The following TES variants were observed in gnomAD, a reference collection of about 807,000 sequenced individuals.
TES encodes the protein testin.
Under a neutral mutation model 48.2 loss-of-function variants are expected in TES, and 41 were observed. That is an observed-to-expected ratio of 0.85 (90% CI 0.66 to 1.10). TES has a LOEUF of 1.10. Among genes scored for constraint, TES ranks in the 50% least tolerant of loss-of-function variants. The pLI, the probability that TES is intolerant of heterozygous loss-of-function variation, is 0.00. For synonymous variants in TES, 162 were observed against 174.9 expected, an observed-to-expected ratio of 0.93 and a Z score of 0.58; for missense variants, 463 against 515.1, an observed-to-expected ratio of 0.90 and a Z score of 0.98.
intron 2 of TES, among the ~76,000 whole-genome samples, chr7:116,244,961 T>A (rs1799901024): frequency 6.6e-6 from 1 of 152,102 alleles, no homozygotes; most frequent in Non-Finnish European, 1.5e-5. Flanking sequence ...CCACTGGAGC[T>A]GAAGAAGCTG....
In TES at chr7:116,249,172, G is replaced by A. The variant is rs755575154; in HGVS notation, c.266G>A (p.Arg89His). 2.5e-6 allele frequency: 4 copies of A among 1,614,020 alleles called. No homozygotes were observed. Among genetic ancestry groups the A allele is most frequent in the African/African-American group, 1.3e-5 (1 of 75,028 alleles). The change falls in exon 3 of 7, where the codon CGC becomes CAC. Residue 89 changes from arginine (R) to histidine (H), a missense_variant. Coordinates refer to ENST00000358204, the MANE Select transcript of TES (RefSeq NM_015641.4). ...TCAGATGGAATTCCCATGTATAAAC[G>A]CAATGTTATGATATTGACGAATCCA... ...LKSDGIPMYK[R>H]NVMILTNPVA...
In TES at chr7:116,252,492, AG is replaced by A; in HGVS notation, c.1077+18del. On this transcript the variant is annotated intron_variant, in intron 6 of 6. Transcript: ENST00000358204. ...TCACGCTGTGGTGAGAAGTGTTCTA[AG>A]GATATGGTTGCCTCAGCCTGCTTTA... 6.2e-7 allele frequency: 1 copy of A among 1,614,182 alleles called. No individual in the cohort carries two copies. The highest frequency in any genetic ancestry group is 1.7e-5 in the Admixed American group (1 of 60,034).
At chr7:116,225,901 G>C (rs1218018073) in intron 1 of TES, among the ~76,000 whole-genome samples, 2 of 152,196 alleles carry the variant, frequency 1.3e-5, no homozygotes, top group African/African-American at 4.8e-5. Flanking sequence ...TTATTGGTTA[G>C]GAGCAGTCAC....
intron 1 of TES, among the ~76,000 whole-genome samples, chr7:116,232,554 A>AG (rs1390528652): frequency 3.0e-5 from 4 of 132,798 alleles, no homozygotes; most frequent in African/African-American, 1.2e-4. Flanking sequence ...CCTGAAAAAG[A>AG]AAACTTTTTT....
At chr7:116,243,878 A>T (rs34378416) in intron 2 of TES, 1 of 152,160 alleles carries the variant, frequency 6.6e-6, no homozygotes, top group East Asian at 1.9e-4. Context: ...GGAAACTTAC[A>T]ATTGTGGCAA....
intron 6 of TES, among the ~76,000 whole-genome samples, chr7:116,256,612 T>A (rs1800102464): frequency 6.6e-6 from 1 of 152,234 alleles, no homozygotes; most frequent in Non-Finnish European, 1.5e-5. Flanking sequence ...TGTATGTTTG[T>A]GTATGTATAT....
intron 1 of TES, among the ~76,000 whole-genome samples, chr7:116,227,719 G>A (rs1329328959): frequency 8.6e-5 from 13 of 152,042 alleles, no homozygotes; most frequent in Admixed American, 8.5e-4. Flanking sequence ...GTGTATATAT[G>A]ATAGGTGGAT....
chr7:116,229,033 T>TATATATATA (rs1417517023), intron 1 of TES, among the ~76,000 whole-genome samples: 6 of 115,496 alleles, frequency 5.2e-5, no homozygotes, highest in South Asian at 2.7e-4. Context: ...TATATATATA[T>TATATATATA]AATCATTTCC....
chr7:116,227,681 G>A (rs1002390013), intron 1 of TES, among the ~76,000 whole-genome samples: 2 of 152,092 alleles, frequency 1.3e-5, no homozygotes, highest in African/African-American at 4.8e-5. Context: ...ATGAATATAT[G>A]TGTGTGTATA....
At chr7:116,249,425 T>G (rs1799972740) in intron 3 of TES, 153 bp downstream of exon 3, 1 of 917,636 alleles carries the variant, frequency 1.1e-6, no homozygotes, top group Non-Finnish European at 1.6e-6. Flanking sequence ...TGTTCTAGTC[T>G]TTTGAATGTA....
At chr7:116,213,759 T>C (rs988482020) in intron 1 of TES, among the ~76,000 whole-genome samples, 11 of 152,240 alleles carry the variant, frequency 7.2e-5, no homozygotes, top group Admixed American at 2.6e-4. Context: ...ATTGATTCTA[T>C]GTCCTTGCCC....
intron 2 of TES, among the ~76,000 whole-genome samples, chr7:116,237,257 G>A (rs551415597): frequency 6.6e-6 from 1 of 152,036 alleles, no homozygotes; most frequent in South Asian, 2.1e-4. Flanking sequence ...GGCTCCATCG[G>A]GCACATTTCA....
chr7:116,210,618 T>A lies in TES; in HGVS notation c.-90T>A. The A allele has an allele frequency of 8.0e-7, 1 of 1,248,776 alleles. No individual in the cohort carries two copies. Among genetic ancestry groups the A allele is most frequent in the Non-Finnish European group, 1.0e-6 (1 of 976,554 alleles). 77.4% of individuals were successfully genotyped at this position (1,248,776 alleles called of 1,614,324 possible). On this transcript the variant is annotated 5_prime_UTR_variant, in exon 1 of 7. Transcript: ENST00000358204. ...GCGGCGCCGCGGGAGTTCCGCAGGTTTCCCGTGTTCGCAGCGGAGCCGGAG... is the reference window on the plus strand; with the variant it reads ...GCGGCGCCGCGGGAGTTCCGCAGGTATCCCGTGTTCGCAGCGGAGCCGGAG...
chr7:116,235,737 C>G (rs1799761794), intron 2 of TES, among the ~76,000 whole-genome samples: 1 of 152,162 alleles, frequency 6.6e-6, no homozygotes, highest in African/African-American at 2.4e-5. Context: ...GTTAGGATGA[C>G]TCTCATTTGA....
rs765208112 is a variant in TES, at chr7:116,257,909, G to A, written c.*427G>A. The A allele has an allele frequency of 6.4e-6, 1 of 156,544 alleles. No homozygotes were observed. Among genetic ancestry groups the A allele is most frequent in the East Asian group, 1.9e-4 (1 of 5,288 alleles). 9.7% of individuals were successfully genotyped at this position (156,544 alleles called of 1,614,324 possible). On this transcript the variant is annotated 3_prime_UTR_variant, in exon 7 of 7. Coordinates refer to ENST00000358204, the MANE Select transcript of TES (RefSeq NM_015641.4). ...ATTTGCCCTAATACCAAGGCGCTAC[G>A]TTTATTGCCTCGTCTTATTCACTGA...
chr7:116,238,305 C>A (rs1347419802), intron 2 of TES: 1 of 152,134 alleles, frequency 6.6e-6, no homozygotes. Context: ...GATGCCGGAT[C>A]AAGGTGTATC....
At chr7:116,248,553 T>G (rs554727820) in intron 2 of TES, among the ~76,000 whole-genome samples, 1 of 152,220 alleles carries the variant, frequency 6.6e-6, no homozygotes, top group Admixed American at 6.5e-5. Context: ...ATTGAGCATG[T>G]TTTCATATAT....
intron 1 of TES, chr7:116,211,254 C>T (rs1799435089): frequency 1.3e-5 from 2 of 152,590 alleles, no homozygotes; most frequent in Admixed American, 1.3e-4. Context: ...GCCTTCGCAC[C>T]CGTGCTGGTG....
chr7:116,247,415 T>C (rs112895987), intron 2 of TES, among the ~76,000 whole-genome samples: 366 of 152,264 alleles, frequency 2.4e-3, no homozygotes, highest in African/African-American at 8.6e-3. Flanking sequence ...CATTTCTTTT[T>C]ATTATTTATT....
Sources: gnomAD v4.1 joint callset for allele counts (sites outside exome capture counted in the v4.1 genomes callset) on GRCh38, gnomAD v4.1.1 for gene constraint, MANE v1.5 for transcripts, NCBI Gene and HGNC (gene_info 2026-07-23, HGNC 2026-07-21) for gene names.